The following GRAP2 variants were observed in gnomAD, a reference collection of about 807,000 sequenced individuals.
GRAP2 encodes the protein GRB2-related adapter protein 2.
A neutral mutation model predicts 43.5 loss-of-function variants in GRAP2; 31 were observed. The observed-to-expected ratio is 0.71, with a 90% CI of 0.54 to 0.96. The LOEUF is 0.96. Ranked by LOEUF, GRAP2 falls within the 40% of genes least tolerant of loss-of-function variation. GRAP2 has a pLI of 0.00. For missense variants in GRAP2, 371 were observed against 424.4 expected, an observed-to-expected ratio of 0.87 and a Z score of 1.11; for synonymous variants, 156 against 164.8, an observed-to-expected ratio of 0.95 and a Z score of 0.41.
At chr22:39,922,678 A>G (rs1016509375) in intron 1 of GRAP2, among the ~76,000 whole-genome samples, 1 of 152,212 alleles carries the variant, frequency 6.6e-6, no homozygotes, top group East Asian at 1.9e-4. Context: ...GAGAAGTAGG[A>G]TGCCAGGGTT....
chr22:39,925,672 T>A lies in GRAP2; in HGVS notation c.-14-21421T>A, dbSNP rs1163096545. Among the ~76,000 whole-genome samples the A allele has an allele frequency of 2.0e-5, 3 of 152,196 alleles. No homozygotes were observed. In the East Asian group the frequency reaches 5.8e-4, roughly 29 times the overall value. ...CTGCTTTGAGGTGTGCGTGTGCCAA[T>A]TGTGGTGCAATCCAGAAGCATTTTG... On this transcript the variant is annotated intron_variant, in intron 1 of 7. Transcript: ENST00000344138.
At chr22:39,912,325 G>A (rs2066572898) in intron 1 of GRAP2, among the ~76,000 whole-genome samples, 1 of 152,208 alleles carries the variant, frequency 6.6e-6, no homozygotes, top group South Asian at 2.1e-4. Context: ...GGCTGAGGCA[G>A]GAGGATCACT....
At chr22:39,964,378 T>G in intron 4 of GRAP2, 2 of 740,206 alleles carry the variant, frequency 2.7e-6, no homozygotes, top group Admixed American at 2.0e-5. Flanking sequence ...AGGCGCCATG[T>G]CCAGCCACGA....
intron 1 of GRAP2, among the ~76,000 whole-genome samples, chr22:39,924,469 A>C (rs1361250350): frequency 6.6e-6 from 1 of 152,172 alleles, no homozygotes; most frequent in Non-Finnish European, 1.5e-5. Flanking sequence ...GGGAGGCCGA[A>C]GTGGGTGGAT....
chr22:39,897,027 A>G (rs1368715548), upstream of GRAP2, among the ~76,000 whole-genome samples: 2 of 152,128 alleles, frequency 1.3e-5, no homozygotes, highest in East Asian at 1.9e-4. Flanking sequence ...TGTCTTCTCT[A>G]TCTATATTCA....
chr22:39,895,349 A>G, the GRAP2 span, among the ~76,000 whole-genome samples: 1 of 152,214 alleles, frequency 6.6e-6, no homozygotes, highest in Non-Finnish European at 1.5e-5. Flanking sequence ...TAGATAGGTG[A>G]ATCCAATATA....
intron 4 of GRAP2, among the ~76,000 whole-genome samples, chr22:39,965,449 T>G (rs1014088279): frequency 1.3e-5 from 2 of 152,248 alleles, no homozygotes; most frequent in Non-Finnish European, 2.9e-5. Context: ...GAAAACACTT[T>G]GTAACCTTAT....
intron 5 of GRAP2, among the ~76,000 whole-genome samples, chr22:39,966,745 GC>G (rs1199075491): frequency 6.6e-6 from 1 of 152,208 alleles, no homozygotes; most frequent in Non-Finnish European, 1.5e-5. Flanking sequence ...AAAAGGAAAT[GC>G]GTCAGACAGA....
chr22:39,949,303 T>G (rs1488220231), intron 2 of GRAP2, among the ~76,000 whole-genome samples: 1 of 152,194 alleles, frequency 6.6e-6, no homozygotes, highest in African/African-American at 2.4e-5. Flanking sequence ...TGAGCTCCTG[T>G]TCAGGGCCAG....
chr22:39,907,369 T>G lies in GRAP2; in HGVS notation c.-15+6039T>G, dbSNP rs571829274. On this transcript the variant is annotated intron_variant, in intron 1 of 7. Coordinates refer to ENST00000344138, the MANE Select transcript of GRAP2 (RefSeq NM_004810.4). ...TTTCCGTGGGAAATTCTGGTGTCCA[T>G]CCATCATAAATCACCTGGTGTCCAC... Among the ~76,000 whole-genome samples the G allele has an allele frequency of 1.1e-4, 16 of 152,322 alleles. No homozygotes were observed. In the Middle Eastern group the frequency reaches 0.02, roughly 194 times the overall value.
intron 1 of GRAP2, among the ~76,000 whole-genome samples, chr22:39,928,874 C>T (rs143094903): frequency 6.6e-6 from 1 of 152,328 alleles, no homozygotes; most frequent in Non-Finnish European, 1.5e-5. Flanking sequence ...TAAAGCCAAA[C>T]AGACAGTGAA....
intron 1 of GRAP2, among the ~76,000 whole-genome samples, chr22:39,920,114 A>G (rs1208481033): frequency 6.6e-6 from 1 of 152,214 alleles, no homozygotes; most frequent in Non-Finnish European, 1.5e-5. Context: ...GCCCTAAGAT[A>G]GTAAATATCC....
chr22:39,968,113 A>C lies in GRAP2; in HGVS notation c.531A>C (p.Glu177Asp). 6 of 1,610,442 alleles carry C rather than the reference A, an allele frequency of 3.7e-6. No homozygotes were observed. Among genetic ancestry groups the C allele is most frequent in the Non-Finnish European group, 5.1e-6 (6 of 1,178,316 alleles). Residue 177 changes from glutamate to aspartate, a missense_variant, in exon 6 of 8, where the codon GAA (glutamate) becomes GAC (aspartate). Physicochemically the swap from Glu to Asp is conservative, Grantham distance 45 (BLOSUM62 2). Coordinates refer to ENST00000344138, the MANE Select transcript of GRAP2 (RefSeq NM_004810.4). ...GPHLSGAVGEEIRPSMNRKLS... is the reference protein window; with the variant it reads ...GPHLSGAVGEDIRPSMNRKLS... ...ACCTCAGTGGGGCTGTGGGAGAAGA[A>C]ATCCGACCTTCGATGAACCGGAAGC...
At chr22:39,941,997 G>A (rs2145626845) in intron 1 of GRAP2, among the ~76,000 whole-genome samples, 1 of 152,188 alleles carries the variant, frequency 6.6e-6, no homozygotes, top group East Asian at 1.9e-4. Flanking sequence ...CTCAATGCAT[G>A]AAAACCCTGA....
At chr22:39,933,411 A>C (rs1299380288) in intron 1 of GRAP2, among the ~76,000 whole-genome samples, 1 of 152,222 alleles carries the variant, frequency 6.6e-6, no homozygotes, top group Non-Finnish European at 1.5e-5. Flanking sequence ...TGATTTTCTA[A>C]AGTTAATTTT....
chr22:39,950,667 T>A (rs1363038137), intron 2 of GRAP2, among the ~76,000 whole-genome samples: 3 of 152,252 alleles, frequency 2.0e-5, no homozygotes, highest in African/African-American at 7.2e-5. Context: ...AATTGCTAAA[T>A]TGCATTTCTT....
the GRAP2 span, among the ~76,000 whole-genome samples, chr22:39,895,144 A>T: frequency 1.3e-5 from 2 of 152,220 alleles, no homozygotes; most frequent in Non-Finnish European, 2.9e-5. Context: ...CCTTATCCAT[A>T]CTACAAGGTG....
rs1269054587 is a variant in GRAP2 at position 39,960,082 on chromosome 22, C to T, written c.198C>T (p.His66=). The change falls in exon 4 of 8, where the codon CAC becomes CAT. Residue 66 remains histidine (H), a synonymous_variant. Transcript: ENST00000344138. ...PKWFHEGLSR[H]QAENLLMGKE... Reference sequence around the variant, plus strand: ...GGTTTCACGAAGGCCTCTCTCGACACCAGGCAGAGAACTTACTCATGGGCA... The same window carrying T: ...GGTTTCACGAAGGCCTCTCTCGACATCAGGCAGAGAACTTACTCATGGGCA... 1 of 1,612,740 alleles carries T rather than the reference C, an allele frequency of 6.2e-7. No individual in the cohort carries two copies.
chr22:39,894,244 T>A, the GRAP2 span, among the ~76,000 whole-genome samples: 47 of 152,158 alleles, frequency 3.1e-4, no homozygotes, highest in Admixed American at 8.5e-4. Flanking sequence ...TCTTTTTTTT[T>A]ATTTATTATT....
Sources: gnomAD v4.1 joint callset for allele counts (sites outside exome capture counted in the v4.1 genomes callset) on GRCh38, gnomAD v4.1.1 for gene constraint, MANE v1.5 for transcripts, NCBI Gene and HGNC (gene_info 2026-07-23, HGNC 2026-07-21) for gene names.